ANO1: variants seen among roughly 807,000 people sequenced by gnomAD.
ANO1 encodes anoctamin 1, also known as anoctamin-1.
Under a neutral mutation model 124.0 loss-of-function variants are expected in ANO1, and 59 were observed. The ratio of observed to expected loss-of-function variants is 0.48; its 90% CI spans 0.39 to 0.59. The LOEUF is 0.59. Ranked by LOEUF, ANO1 falls within the 20% of genes least tolerant of loss-of-function variation. The pLI is 0.00. For missense variants in ANO1, 1,059 were observed against 1,328.0 expected (o/e 0.80, Z 3.15); for synonymous variants, 529 against 532.0 (o/e 0.99, Z 0.08).
chr11:70,001,155 G>A (rs984599907), intron 1 of ANO1, among the ~76,000 whole-genome samples: 4 of 152,218 alleles, frequency 2.6e-5, no homozygotes, highest in African/African-American at 7.2e-5. Flanking sequence ...CTATGGCAGA[G>A]CCATGGCCAG....
chr11:70,081,466 T>A (rs1303906007), intron 1 of ANO1, among the ~76,000 whole-genome samples: 2 of 152,226 alleles, frequency 1.3e-5, no homozygotes, highest in Non-Finnish European at 2.9e-5. Flanking sequence ...GTTTTAAAAT[T>A]TTTTTAGAAG....
chr11:70,026,580 T>A (rs1192313858), intron 1 of ANO1, among the ~76,000 whole-genome samples: 3 of 152,010 alleles, frequency 2.0e-5, no homozygotes, highest in African/African-American at 7.3e-5. Context: ...ACAGTAATGA[T>A]GATGGTGGTG....
rs368534768 is a variant in ANO1, at chr11:70,087,815, G to A, written c.172G>A (p.Gly58Ser). 18 of 1,612,858 alleles carry A rather than the reference G, an allele frequency of 1.1e-5. No homozygotes were observed. The highest frequency in any genetic ancestry group is 2.2e-5 in the East Asian group (1 of 44,862). Residue 58 changes from glycine (G) to serine (S), a missense_variant, in exon 2 of 26, where the codon GGC becomes AGC. Physicochemically the swap from Gly to Ser is moderately conservative, Grantham distance 56. Transcript: ENST00000355303. ...ECKYGLYFRD[G>S]RRKVDYILVY... ...CAAGTATGGCCTGTACTTCAGGGAC[G>A]GCCGGCGCAAGGTGGACTACATCCT...
Position 70,170,178 on chromosome 11 carries a change from C to T in ANO1, c.2198-709C>T, listed in dbSNP as rs549649415. ...GATTCAGCCATGCAGGCAGGTCCCC[C>T]AGGTCCCAGGGAGCCCCCATGATGG... On this transcript the variant is annotated intron_variant, in intron 21 of 25. Transcript: ENST00000355303. 354 of 455,512 alleles carry T rather than the reference C, an allele frequency of 7.8e-4. 3 individuals carry two copies. Among genetic ancestry groups the T allele is most frequent in the South Asian group, 5.0e-3 (321 of 64,506 alleles). 28.2% of individuals were successfully genotyped at this position (455,512 alleles called of 1,614,324 possible). A position where few individuals can be genotyped will look rare whatever the true frequency, so the allele number is the denominator to read the frequency against.
intron 21 of ANO1, among the ~76,000 whole-genome samples, chr11:70,168,630 C>T (rs2135749453): frequency 6.6e-6 from 1 of 152,036 alleles, no homozygotes; most frequent in Admixed American, 6.5e-5. Flanking sequence ...AAGACTCCTG[C>T]AGAGGGGGGG....
At chr11:70,140,996 GA>G (rs2047134609) in intron 11 of ANO1, among the ~76,000 whole-genome samples, 1 of 152,152 alleles carries the variant, frequency 6.6e-6, no homozygotes. Flanking sequence ...TAGAAGCACA[GA>G]GAGGGTAAGC....
chr11:70,081,999 A>G (rs2135185840), intron 1 of ANO1, among the ~76,000 whole-genome samples: 1 of 152,352 alleles, frequency 6.6e-6, no homozygotes, highest in Non-Finnish European at 1.5e-5. Flanking sequence ...CCTTCAGATC[A>G]TCGATCACAT....
rs576555619 is a variant in ANO1 at position 70,080,955 on chromosome 11, T to C, written c.108+2241T>C. Among the ~76,000 whole-genome samples, 3 of 152,292 alleles carry C rather than the reference T, an allele frequency of 2.0e-5. No individual in the cohort carries two copies. The South Asian group carries it at 6.2e-4, about 32-fold the overall frequency. ...AAGCCAACAGTTGTTGCTCAGTCATTACCCTGAGTCACCCAACGAAGGCGG... is the reference window on the plus strand; with the variant it reads ...AAGCCAACAGTTGTTGCTCAGTCATCACCCTGAGTCACCCAACGAAGGCGG... On this transcript the variant is annotated intron_variant, in intron 1 of 25. Transcript: ENST00000355303.
intron 24 of ANO1, among the ~76,000 whole-genome samples, chr11:70,184,120 C>T (rs2049023284): frequency 6.6e-6 from 1 of 152,220 alleles, no homozygotes; most frequent in South Asian, 2.1e-4. Flanking sequence ...GCCCCTGAGC[C>T]CCTGGAAATC....
At chr11:70,131,303 A>ATGTGTGTGTGTGTGTGTG (rs58686061) in intron 10 of ANO1, among the ~76,000 whole-genome samples, 1 of 149,018 alleles carries the variant, frequency 6.7e-6, no homozygotes, top group Admixed American at 6.7e-5. Flanking sequence ...TCAAAAATCA[A>ATGTGTGTGTGTGTGTGTG]TGTGTGTGTG....
chr11:70,016,684 C>T (rs560933593), intron 1 of ANO1, among the ~76,000 whole-genome samples: 125 of 152,342 alleles, frequency 8.2e-4, no homozygotes, highest in African/African-American at 2.9e-3. Context: ...TGCACAATCC[C>T]GCCAGGGACC....
chr11:70,163,828 C>A (rs574971773), intron 19 of ANO1, among the ~76,000 whole-genome samples: 1 of 151,912 alleles, frequency 6.6e-6, no homozygotes, highest in Admixed American at 6.6e-5. Flanking sequence ...ATCCCACCTA[C>A]TCGGGAGGCT....
At chr11:70,182,803 AAAGAAG>A in intron 24 of ANO1, 117 bp downstream of exon 24, 4 of 1,018,696 alleles carry the variant, frequency 3.9e-6, no homozygotes, top group Non-Finnish European at 5.4e-6. Flanking sequence ...ACTTGCTTAA[AAAGAAG>A]AAGAAGGAAA....
intron 1 of ANO1, among the ~76,000 whole-genome samples, chr11:69,995,247 G>A (rs563392513): frequency 7.2e-5 from 11 of 151,858 alleles, no homozygotes; most frequent in Admixed American, 1.3e-4. Flanking sequence ...CTACAGGCGC[G>A]TGCCACCACA....
intron 6 of ANO1, among the ~76,000 whole-genome samples, chr11:70,109,125 G>C (rs566964840): frequency 6.6e-6 from 1 of 152,308 alleles, no homozygotes; most frequent in African/African-American, 2.4e-5. Flanking sequence ...CCGTGCCATA[G>C]GGTAGCATCC....
intron 8 of ANO1, among the ~76,000 whole-genome samples, chr11:70,120,116 C>T (rs2046197125): frequency 6.6e-6 from 1 of 152,126 alleles, no homozygotes; most frequent in Admixed American, 6.5e-5. Flanking sequence ...CCCTGGATAC[C>T]TCACAGGGCA....
chr11:70,127,039 G>A (rs113426521), intron 10 of ANO1, among the ~76,000 whole-genome samples: 1 of 126,718 alleles, frequency 7.9e-6, no homozygotes, highest in South Asian at 3.1e-4. Context: ...GAGGTGAGAC[G>A]TGAACACTAG....
intron 19 of ANO1, among the ~76,000 whole-genome samples, chr11:70,164,728 C>T (rs902819648): frequency 6.6e-6 from 1 of 152,166 alleles, no homozygotes; most frequent in African/African-American, 2.4e-5. Flanking sequence ...CAAAGGCCCA[C>T]TGAGTCAGGG....
chr11:70,088,335 C>T (rs920270781), intron 2 of ANO1, among the ~76,000 whole-genome samples: 1 of 151,980 alleles, frequency 6.6e-6, no homozygotes, highest in African/African-American at 2.4e-5. Context: ...CACGGTGAAA[C>T]CCCATCTGTA....
Sources: allele counts gnomAD v4.1 joint callset (sites outside exome capture counted in the v4.1 genomes callset), GRCh38; gene constraint gnomAD v4.1.1; transcripts MANE v1.5; gene names NCBI Gene and HGNC (gene_info 2026-07-23, HGNC 2026-07-21).